Variants in OSTN observed in about 807,000 individuals in gnomAD.
OSTN encodes the protein osteocrin.
A neutral mutation model predicts 12.0 loss-of-function variants in OSTN; 9 were observed. That is an observed-to-expected ratio of 0.75 (90% CI 0.45 to 1.30). OSTN has a LOEUF of 1.30. Ranked by LOEUF, OSTN falls within the 50% of genes most tolerant of loss-of-function variation. The pLI, the probability that OSTN is intolerant of heterozygous loss-of-function variation, is 0.00. For synonymous variants in OSTN, 59 were observed against 56.9 expected (o/e 1.04, Z -0.16); for missense variants, 148 against 152.3 (o/e 0.97, Z 0.15).
chr3:191,224,779 AT>A (rs1162319604), intron 3 of OSTN, among the ~76,000 whole-genome samples: 2 of 152,122 alleles, frequency 1.3e-5, no homozygotes, highest in Non-Finnish European at 2.9e-5. Context: ...TTATTTTTGC[AT>A]TTTTATTTTG....
chr3:191,225,939 A>G (rs986687782), intron 3 of OSTN, among the ~76,000 whole-genome samples: 64 of 152,168 alleles, frequency 4.2e-4, no homozygotes, highest in African/African-American at 1.4e-3. Context: ...AAACCCATGT[A>G]GCAAACCTAC....
chr3:191,250,244 A>C lies in OSTN; in HGVS notation c.*12+111A>C, dbSNP rs549811483. ...AATCCCCCTTTTGATTTCCTAGCTT[A>C]TCAGTTCACTTTTTCAATCATTTAT... On this transcript the variant is annotated intron_variant, in intron 4 of 4. Transcript: ENST00000682035. 7.6e-6 allele frequency: 6 copies of C among 786,358 alleles called. No individual in the cohort carries two copies. In the East Asian group the frequency reaches 1.6e-4, roughly 20 times the overall value. 48.7% of individuals were successfully genotyped at this position (786,358 alleles called of 1,614,324 possible).
At chr3:191,203,589 TATC>T (rs1292045495) in intron 1 of OSTN, among the ~76,000 whole-genome samples, 4 of 152,210 alleles carry the variant, frequency 2.6e-5, no homozygotes, top group Admixed American at 6.5e-5. Context: ...TCTAGTAACT[TATC>T]ATTCTTCCTA....
intron 3 of OSTN, among the ~76,000 whole-genome samples, chr3:191,234,305 A>G (rs1379116646): frequency 6.6e-6 from 1 of 152,198 alleles, no homozygotes; most frequent in African/African-American, 2.4e-5. Flanking sequence ...CAGGTAGATT[A>G]TAATGGATGG....
chr3:191,215,033 G>T (rs985414568), intron 2 of OSTN, among the ~76,000 whole-genome samples: 1 of 152,094 alleles, frequency 6.6e-6, no homozygotes, highest in Non-Finnish European at 1.5e-5. Context: ...ACAAAAAACT[G>T]CCCAAGACTA....
At chr3:191,214,446 A>C (rs1405607439) in intron 2 of OSTN, among the ~76,000 whole-genome samples, 1 of 150,242 alleles carries the variant, frequency 6.7e-6, no homozygotes, top group Non-Finnish European at 1.5e-5. Flanking sequence ...CAAAAAAAAA[A>C]AAAAAAAAAA....
chr3:191,236,441 A>C (rs1715191520), intron 3 of OSTN, among the ~76,000 whole-genome samples: 3 of 152,142 alleles, frequency 2.0e-5, no homozygotes, highest in Admixed American at 1.3e-4. Flanking sequence ...TATTACAGAA[A>C]TGAAGAAACA....
chr3:191,234,001 A>AAAC (rs367959899), intron 3 of OSTN, among the ~76,000 whole-genome samples: 4 of 151,810 alleles, frequency 2.6e-5, no homozygotes, highest in Admixed American at 6.6e-5. Context: ...TCAAAAAAAA[A>AAAC]AAAATTGATG....
intron 3 of OSTN, among the ~76,000 whole-genome samples, chr3:191,223,694 T>C (rs754587562): frequency 9.2e-5 from 14 of 152,082 alleles, no homozygotes; most frequent in Non-Finnish European, 1.8e-4. Context: ...AAGATTATTA[T>C]ATAAAAATAT....
At chr3:191,209,082 C>T (rs1714354988) in intron 1 of OSTN, among the ~76,000 whole-genome samples, 1 of 152,176 alleles carries the variant, frequency 6.6e-6, no homozygotes, top group South Asian at 2.1e-4. Context: ...TCGCTTAAAC[C>T]TGGGAGGCAG....
intron 3 of OSTN, among the ~76,000 whole-genome samples, chr3:191,236,560 C>T (rs1174124566): frequency 6.7e-6 from 1 of 148,246 alleles, no homozygotes; most frequent in African/African-American, 2.5e-5. Flanking sequence ...AAAAAAAAAA[C>T]AATCCTTGGG....
rs181310982 is a variant in OSTN at position 191,213,767 on chromosome 3, T to A, written c.102+1133T>A. Among the ~76,000 whole-genome samples the A allele has an allele frequency of 1.9e-3, 226 of 119,338 alleles. No individual in the cohort carries two copies. The Middle Eastern group carries it at 0.022, about 12-fold the overall frequency. The allele number at this position is 119,338 out of a possible 152,430, so 78.3% of individuals were successfully genotyped here. ...TATTAAAGGACAAGTTTTCTAAAAG[T>A]TTTTTTTTTTAAGATTAAGGATGTT... On this transcript the variant is annotated intron_variant, in intron 2 of 4. Coordinates refer to ENST00000682035, the MANE Select transcript of OSTN (RefSeq NM_198184.2).
At chr3:191,212,046 C>T (rs896053690) in intron 1 of OSTN, among the ~76,000 whole-genome samples, 37 of 152,000 alleles carry the variant, frequency 2.4e-4, no homozygotes, top group African/African-American at 8.9e-4. Context: ...TGACATGACA[C>T]AAGGACATAA....
chr3:191,219,399 C>T (rs971616080), intron 3 of OSTN, among the ~76,000 whole-genome samples: 18 of 152,168 alleles, frequency 1.2e-4, no homozygotes, highest in Admixed American at 8.5e-4. Context: ...GTTCTCAGAA[C>T]GTGGAGTCAG....
At chr3:191,251,186 A>G (rs73199675) in intron 4 of OSTN, among the ~76,000 whole-genome samples, 1 of 143,890 alleles carries the variant, frequency 6.9e-6, no homozygotes, top group Non-Finnish European at 1.5e-5. Flanking sequence ...GCTTAGAAAT[A>G]TTAACTTACA....
chr3:191,257,586 C>T (rs911238280), intron 4 of OSTN, among the ~76,000 whole-genome samples: 2 of 152,098 alleles, frequency 1.3e-5, no homozygotes, highest in South Asian at 4.1e-4. Context: ...TCTGTCTAGA[C>T]CTCTGAATCG....
intron 1 of OSTN, among the ~76,000 whole-genome samples, chr3:191,211,901 C>A (rs1169149864): frequency 1.3e-5 from 2 of 152,090 alleles, no homozygotes; most frequent in South Asian, 2.1e-4. Context: ...ATATATTGTA[C>A]ATATCATGTA....
intron 3 of OSTN, among the ~76,000 whole-genome samples, chr3:191,223,504 C>A (rs144930093): frequency 9.9e-5 from 15 of 152,178 alleles, no homozygotes; most frequent in African/African-American, 3.1e-4. Context: ...TCAGGTAAAA[C>A]GTGATAGTAC....
chr3:191,221,796 A>G (rs1372461817), intron 3 of OSTN, among the ~76,000 whole-genome samples: 2 of 152,244 alleles, frequency 1.3e-5, no homozygotes, highest in African/African-American at 2.4e-5. Flanking sequence ...AATGCTAATC[A>G]CCAAGCCAAT....
Sources: allele counts gnomAD v4.1 joint callset (sites outside exome capture counted in the v4.1 genomes callset), GRCh38; gene constraint gnomAD v4.1.1; transcripts MANE v1.5; gene names NCBI Gene and HGNC (gene_info 2026-07-23, HGNC 2026-07-21).